The following PRC1 variants were observed in gnomAD, a reference collection of about 807,000 sequenced individuals.
PRC1 encodes the protein protein regulator of cytokinesis 1, also known as anaphase spindle elongation 1 homolog.
PRC1 carries 54 observed loss-of-function variants against 91.2 expected under a neutral mutation model. The ratio of observed to expected loss-of-function variants is 0.59; its 90% CI spans 0.48 to 0.74. PRC1 has a LOEUF of 0.74. Ranked by LOEUF, PRC1 falls within the 30% of genes least tolerant of loss-of-function variation. PRC1 has a pLI of 0.00. For missense variants in PRC1, 727 were observed against 746.2 expected, an observed-to-expected ratio of 0.97 and a Z score of 0.30; for synonymous variants, 275 against 263.6, an observed-to-expected ratio of 1.04 and a Z score of -0.42.
intron 14 of PRC1, chr15:90,968,609 AG>A (rs1406340037): frequency 1.0e-6 from 1 of 994,594 alleles, no homozygotes; most frequent in East Asian, 1.1e-4. Context: ...AAAGAGGCAA[AG>A]GTGAGGAAAT....
chr15:90,977,054 T>A (rs1166833054), intron 8 of PRC1, among the ~76,000 whole-genome samples: 1 of 142,598 alleles, frequency 7.0e-6, no homozygotes, highest in African/African-American at 2.6e-5. Flanking sequence ...CACTTGAACC[T>A]GGGTGGCGTG....
chr15:90,971,647 G>T (rs899374108), intron 11 of PRC1, among the ~76,000 whole-genome samples: 5 of 151,684 alleles, frequency 3.3e-5, no homozygotes, highest in African/African-American at 1.2e-4. Flanking sequence ...GCTCATCTGA[G>T]GTCGGGAGTA....
chr15:90,994,408 T>G lies in PRC1; in HGVS notation c.10A>C (p.Ser4Arg). The change falls in exon 1 of 15, where the codon AGT becomes CGT. Residue 4 changes from serine to arginine, a missense_variant and splice_region_variant. Physicochemically the swap from Ser to Arg is moderately radical, Grantham distance 110. Transcript: ENST00000394249. The part of the protein sequence containing the change: MRR[S>R]EVLAEESIVC... Reference sequence around the variant, plus strand: ...CCTCGATTTCCCCGCAACCCGCACCTTCTCCTCATGGCGGACGCTCCAAGC... The same window carrying G: ...CCTCGATTTCCCCGCAACCCGCACCGTCTCCTCATGGCGGACGCTCCAAGC... 2 of 1,611,416 alleles carry G rather than the reference T, an allele frequency of 1.2e-6. No individual in the cohort carries two copies. The highest frequency in any genetic ancestry group is 2.2e-5 in the South Asian group (2 of 90,664).
chr15:90,967,204 TG>T lies in PRC1; in HGVS notation c.1792-3del. 1 of 1,613,136 alleles carries T rather than the reference TG, an allele frequency of 6.2e-7. No homozygotes were observed. The highest frequency in any genetic ancestry group is 8.5e-7 in the Non-Finnish European group (1 of 1,179,038). On this transcript the variant is annotated splice_region_variant and splice_polypyrimidine_tract_variant and intron_variant, in intron 14 of 14. Transcript: ENST00000394249. ...TTTGGAAGCCTTTGAAAGTTCTCGC[TG>T]TTGAAAAATAAATAACATCAGTGGC... is the stretch of plus-strand genomic sequence containing the variant.
chr15:90,977,576 G>GTTTTTTT (rs777558725), intron 8 of PRC1, among the ~76,000 whole-genome samples: 14 of 95,476 alleles, frequency 1.5e-4, no homozygotes, highest in African/African-American at 1.8e-4. Context: ...CCTTATTTAC[G>GTTTTTTT]TTTTTTTTTT....
chr15:90,981,463 A>C (rs775525255), intron 5 of PRC1, 36 bp downstream of exon 5: 2 of 1,609,990 alleles, frequency 1.2e-6, no homozygotes, highest in East Asian at 2.2e-5. Flanking sequence ...GCTATATACT[A>C]CGGAGATCCT....
rs2039412073 is a variant in PRC1 at position 90,984,165 on chromosome 15, A to C, written c.145-25T>G. 3.1e-6 allele frequency: 5 copies of C among 1,611,538 alleles called. No individual in the cohort carries two copies. In the East Asian group the frequency reaches 1.1e-4, roughly 36 times the overall value. ...CCTACAAGAGGGAAAACAGTCCATA[A>C]GTTTGGGGCAATGGAGGAAAAAAAC... On this transcript the variant is annotated intron_variant, in intron 2 of 14. Transcript: ENST00000394249. This position sits in a 1 kb window ranked among gnomAD's most constrained non-coding sequence, Gnocchi z 5.1.
chr15:90,982,911 A>G (rs16945132), intron 3 of PRC1, among the ~76,000 whole-genome samples: 2,416 of 151,824 alleles, frequency 0.016, 66 homozygotes, highest in African/African-American at 0.056. Context: ...CTCTACTCCT[A>G]ACTGGTTAAC....
chr15:90,977,896 T>C (rs2038870421), intron 8 of PRC1, among the ~76,000 whole-genome samples: 1 of 152,234 alleles, frequency 6.6e-6, no homozygotes, highest in South Asian at 2.1e-4. Flanking sequence ...GGCCTCCTTA[T>C]TTATGTTTAC....
At position 90,994,522 on chromosome 15, in the gene PRC1, C is replaced by T. The variant is rs2040185257; in HGVS notation, c.-105G>A. 7.1e-7 allele frequency: 1 copy of T among 1,402,698 alleles called. No homozygotes were observed. The highest frequency in any genetic ancestry group is 9.4e-7 in the Non-Finnish European group (1 of 1,058,736). 86.9% of individuals were successfully genotyped at this position (1,402,698 alleles called of 1,614,324 possible). On this transcript the variant is annotated 5_prime_UTR_variant, in exon 1 of 15. Transcript: ENST00000394249. ...CCGGCGATGTCACTCCGCGTAGCCG[C>T]TCCGCGAGCCGTTGAGCCCCGCAAA... is the stretch of plus-strand genomic sequence containing the variant.
chr15:90,984,212 C>T lies in PRC1; in HGVS notation c.145-72G>A. The T allele has an allele frequency of 1.9e-6, 3 of 1,545,200 alleles. No individual in the cohort carries two copies. The South Asian group carries it at 3.5e-5, about 18-fold the overall frequency. ...AAACTCCCAACACCAATACCAAACT[C>T]CTCAAATTTCTTTTTTCTTTTTCTT... On this transcript the variant is annotated intron_variant, in intron 2 of 14. Transcript: ENST00000394249. This position sits in a 1 kb window ranked among gnomAD's most constrained non-coding sequence, Gnocchi z 5.1.
chr15:90,969,173 G>A, intron 13 of PRC1, 53 bp from the exon 14 acceptor site: 1 of 1,558,582 alleles, frequency 6.4e-7, no homozygotes, highest in Admixed American at 1.7e-5. Flanking sequence ...GAGAGCACCA[G>A]GACAGTGATA....
chr15:90,968,196 G>T (rs971689285), intron 14 of PRC1: 2 of 985,250 alleles, frequency 2.0e-6, no homozygotes, highest in African/African-American at 3.5e-5. Context: ...TTGAACAAGC[G>T]AAAAAGAGAA....
At chr15:90,976,938 C>T (rs2038757376) in intron 8 of PRC1, among the ~76,000 whole-genome samples, 167 bp from the exon 9 acceptor site, 1 of 145,656 alleles carries the variant, frequency 6.9e-6, no homozygotes, top group African/African-American at 2.8e-5. Context: ...CCAGACCAAC[C>T]TGGCCAACAT....
chr15:90,991,187 G>A (rs1302604532), intron 1 of PRC1, among the ~76,000 whole-genome samples: 4 of 151,708 alleles, frequency 2.6e-5, no homozygotes, highest in Non-Finnish European at 4.4e-5. Flanking sequence ...AGGCCAAGGC[G>A]GGCGGATCAC....
intron 11 of PRC1, among the ~76,000 whole-genome samples, chr15:90,972,300 C>G (rs868654489): frequency 2.0e-5 from 3 of 150,808 alleles, no homozygotes; most frequent in Non-Finnish European, 4.4e-5. Context: ...TAGAGAATCA[C>G]TTGAGCCCAG....
At chr15:90,977,005 G>A (rs538433377) in intron 8 of PRC1, among the ~76,000 whole-genome samples, 1 of 151,888 alleles carries the variant, frequency 6.6e-6, no homozygotes, top group East Asian at 1.9e-4. Context: ...CGGTGCGCAC[G>A]TGCAGTCCCA....
chr15:90,981,237 GA>G, intron 5 of PRC1: 1 of 748,124 alleles, frequency 1.3e-6, no homozygotes, highest in Non-Finnish European at 2.1e-6. Flanking sequence ...ATTTAGAACT[GA>G]AAAAAATTTT....
chr15:90,967,709 A>G (rs916312017), intron 14 of PRC1: 1 of 553,204 alleles, frequency 1.8e-6, no homozygotes, highest in African/African-American at 2.1e-5. Flanking sequence ...CTAGGAGGAA[A>G]ACGCCATACC....
Sources: gnomAD v4.1 joint callset for allele counts (sites outside exome capture counted in the v4.1 genomes callset) on GRCh38, gnomAD v4.1.1 for gene constraint, Gnocchi (gnomAD v3.1) non-coding constraint, MANE v1.5 for transcripts, NCBI Gene and HGNC (gene_info 2026-07-23, HGNC 2026-07-21) for gene names.